The following MICU3 variants were observed in gnomAD, a reference collection of about 807,000 sequenced individuals.
The protein encoded by MICU3 is calcium uptake protein 3, mitochondrial.
MICU3 carries 62 observed loss-of-function variants against 66.5 expected under a neutral mutation model. The observed-to-expected ratio is 0.93, with a 90% CI of 0.76 to 1.15. The LOEUF is 1.15. MICU3 is among the 50% of genes most tolerant of loss of function. The pLI, the probability that MICU3 is intolerant of heterozygous loss-of-function variation, is 0.00. For synonymous variants in MICU3, 308 were observed against 240.7 expected (o/e 1.28, Z -2.59); for missense variants, 779 against 664.4 (o/e 1.17, Z -1.90).
At chr8:17,113,314 G>T (rs188400776) in intron 11 of MICU3, among the ~76,000 whole-genome samples, 1 of 152,214 alleles carries the variant, frequency 6.6e-6, no homozygotes, top group Non-Finnish European at 1.5e-5. Flanking sequence ...TTGCTGAGGA[G>T]AACCCATTAA....
At chr8:17,094,724 T>C (rs963547458) in intron 8 of MICU3, among the ~76,000 whole-genome samples, 21 of 152,012 alleles carry the variant, frequency 1.4e-4, no homozygotes, top group Admixed American at 6.6e-5. Flanking sequence ...GTAAAAGTGG[T>C]GGCTCATGAA....
At chr8:17,125,680 G>A (rs1386565488), downstream of MICU3, among the ~76,000 whole-genome samples, 2 of 152,040 alleles carry the variant, frequency 1.3e-5, no homozygotes, top group East Asian at 3.9e-4. Flanking sequence ...AAATCTTGAA[G>A]CCCCTTTCTT....
At chr8:17,112,722 T>A (rs1317055231) in intron 11 of MICU3, among the ~76,000 whole-genome samples, 1 of 152,248 alleles carries the variant, frequency 6.6e-6, no homozygotes, top group Non-Finnish European at 1.5e-5. Flanking sequence ...TATTGATATT[T>A]TTGTTTTCCC....
chr8:17,137,823 TCTC>T, the MICU3 span, among the ~76,000 whole-genome samples: 1 of 149,210 alleles, frequency 6.7e-6, no homozygotes, highest in Non-Finnish European at 1.5e-5. Flanking sequence ...TTCAAGCAGT[TCTC>T]CTGCCTCAGC....
rs1005336191 is a variant in MICU3, at chr8:17,087,743, A to C, written c.849+708A>C. 5.9e-5 allele frequency among the ~76,000 whole-genome samples: 9 copies of C among 152,196 alleles called. No homozygotes were observed. The South Asian group carries it at 8.3e-4, about 14-fold the overall frequency. ...AGGAAACTGATAATTGGGAAGGTTA[A>C]GTATCTTGTCCAAAGTTACATAGTT... On this transcript the variant is annotated intron_variant, in intron 7 of 14. Transcript: ENST00000318063.
At chr8:17,114,481 T>G (rs928942561) in intron 12 of MICU3, among the ~76,000 whole-genome samples, 2 of 152,154 alleles carry the variant, frequency 1.3e-5, no homozygotes, top group African/African-American at 4.8e-5. Flanking sequence ...TTTTACTAAT[T>G]TAATGCCTGC....
chr8:17,075,312 T>C (rs1387837465), intron 3 of MICU3, among the ~76,000 whole-genome samples: 2 of 152,168 alleles, frequency 1.3e-5, no homozygotes, highest in Non-Finnish European at 2.9e-5. Flanking sequence ...GGCTGTGTGA[T>C]TGAACTTAAT....
chr8:17,060,904 T>C (rs532599876), intron 1 of MICU3, among the ~76,000 whole-genome samples: 1 of 152,034 alleles, frequency 6.6e-6, no homozygotes, highest in South Asian at 2.1e-4. Context: ...CCTAATACCA[T>C]TGTCAAAAGC....
chr8:17,035,157 T>C (rs912814534), intron 1 of MICU3, among the ~76,000 whole-genome samples: 8 of 152,212 alleles, frequency 5.3e-5, no homozygotes, highest in Admixed American at 2.0e-4. Flanking sequence ...TTCGCCATGA[T>C]TGTGAGGCCT....
Position 17,113,494 on chromosome 8 carries a change from C to G in MICU3, c.1258-599C>G, listed in dbSNP as rs1156377765. On this transcript the variant is annotated intron_variant, in intron 11 of 14. Transcript: ENST00000318063. ...CACCAGTCCTTTACATTATCCCACA[C>G]CAGCCCAGTGTGGAGGCACCCAGAA... Among the ~76,000 whole-genome samples the G allele has an allele frequency of 3.3e-5, 5 of 152,214 alleles. No homozygotes were observed. In the South Asian group the frequency reaches 1.0e-3, roughly 31 times the overall value.
chr8:17,117,247 A>G (rs1471295398), intron 13 of MICU3, among the ~76,000 whole-genome samples: 1 of 152,084 alleles, frequency 6.6e-6, no homozygotes, highest in African/African-American at 2.4e-5. Context: ...CAAAGTGCTA[A>G]GATTACAGGA....
the MICU3 span, among the ~76,000 whole-genome samples, chr8:17,135,418 T>C: frequency 6.6e-6 from 1 of 151,614 alleles, no homozygotes; most frequent in African/African-American, 2.4e-5. Context: ...AATGGACATT[T>C]TTCCGTTAGA....
intron 1 of MICU3, among the ~76,000 whole-genome samples, chr8:17,061,334 A>G (rs1279168123): frequency 6.6e-6 from 1 of 152,150 alleles, no homozygotes; most frequent in Non-Finnish European, 1.5e-5. Flanking sequence ...ACTATGCTTA[A>G]GGAAAGAAAG....
At chr8:17,118,911 T>G in intron 14 of MICU3, 136 bp downstream of exon 14, 1 of 524,440 alleles carries the variant, frequency 1.9e-6, no homozygotes, top group Non-Finnish European at 3.1e-6. Context: ...GTCATTAGAG[T>G]ATCTTGATTG....
At chr8:17,095,978 C>G (rs1406888806) in intron 8 of MICU3, among the ~76,000 whole-genome samples, 1 of 152,014 alleles carries the variant, frequency 6.6e-6, no homozygotes, top group East Asian at 1.9e-4. Flanking sequence ...ACACTACATG[C>G]AGGACATCAT....
rs145022141 is a variant in MICU3, at chr8:17,029,680, G to A, written c.381+2020G>A. On this transcript the variant is annotated intron_variant, in intron 1 of 14. Coordinates refer to ENST00000318063, the MANE Select transcript of MICU3 (RefSeq NM_181723.3). ...CCCTCTCTGAAAACTTTTATGATCT[G>A]TTTATCCCTGGTGCTTGAAATTTTC... Among the ~76,000 whole-genome samples, 289 of 152,078 alleles carry A rather than the reference G, an allele frequency of 1.9e-3. 2 individuals are homozygous for A. Among genetic ancestry groups the A allele is most frequent in the Non-Finnish European group, 3.0e-3 (206 of 67,996 alleles).
At chr8:17,107,342 CAG>C (rs1801823661) in intron 11 of MICU3, among the ~76,000 whole-genome samples, 1 of 152,046 alleles carries the variant, frequency 6.6e-6, no homozygotes, top group Admixed American at 6.6e-5. Context: ...GTCTTCTAGA[CAG>C]AGGTAACAGC....
chr8:17,040,000 C>A (rs1376099330), intron 1 of MICU3, among the ~76,000 whole-genome samples: 1 of 149,710 alleles, frequency 6.7e-6, no homozygotes, highest in Non-Finnish European at 1.5e-5. Flanking sequence ...CTCCACCTCC[C>A]ATGTTCAAGT....
In MICU3 at chr8:17,027,271, G is replaced by A; in HGVS notation, c.-9G>A. On this transcript the variant is annotated 5_prime_UTR_variant, in exon 1 of 15. Transcript: ENST00000318063. ...CCCCCTCCCAGCTCTGGTGTGGGCG[G>A]CCTCCGCTATGGCTGCGCTGCGAAG... is the stretch of plus-strand genomic sequence containing the variant. 6.9e-7 allele frequency: 1 copy of A among 1,440,100 alleles called. No homozygotes were observed. Among genetic ancestry groups the A allele is most frequent in the Non-Finnish European group, 9.0e-7 (1 of 1,105,866 alleles). 89.2% of individuals were successfully genotyped at this position (1,440,100 alleles called of 1,614,324 possible). A position where few individuals can be genotyped will look rare whatever the true frequency, so the allele number is the denominator to read the frequency against.
Sources: allele counts gnomAD v4.1 joint callset (sites outside exome capture counted in the v4.1 genomes callset), GRCh38; gene constraint gnomAD v4.1.1; transcripts MANE v1.5; gene names NCBI Gene and HGNC (gene_info 2026-07-23, HGNC 2026-07-21).